Variants in STAB2 observed in about 807,000 individuals in gnomAD.
STAB2 encodes the protein stabilin 2.
A neutral mutation model predicts 338.1 loss-of-function variants in STAB2; 288 were observed. The observed-to-expected ratio is 0.85, with a 90% CI of 0.77 to 0.94. The LOEUF (loss-of-function observed/expected upper bound fraction) is 0.94. Among genes scored for constraint, STAB2 ranks in the 40% least tolerant of loss-of-function variants. The pLI is 0.00. For synonymous variants in STAB2, 1,202 were observed against 1,193.3 expected, an observed-to-expected ratio of 1.01 and a Z score of -0.15; for missense variants, 3,141 against 3,210.1, an observed-to-expected ratio of 0.98 and a Z score of 0.52.
Position 103,744,352 on chromosome 12 carries a change from A to G in STAB2, c.6032-821A>G, listed in dbSNP as rs4981037. On this transcript the variant is annotated intron_variant, in intron 56 of 68. Transcript: ENST00000388887. ...TTTTTTGTAGAGATTGAGTCTCCCT[A>G]TGTTCCCCAGACTGGTCTCAAACTC... Among the ~76,000 whole-genome samples, 143 of 151,064 alleles carry G rather than the reference A, an allele frequency of 9.5e-4. 2 individuals are homozygous for G. The East Asian group carries it at 0.012, about 13-fold the overall frequency.
At chr12:103,640,776 T>C (rs948971452) in intron 9 of STAB2, among the ~76,000 whole-genome samples, 6 of 152,202 alleles carry the variant, frequency 3.9e-5, no homozygotes, top group African/African-American at 1.4e-4. Context: ...AGAAAGAAGA[T>C]GGTATTTGGA....
chr12:103,732,093 G>A (rs1389387928), intron 50 of STAB2, among the ~76,000 whole-genome samples: 2 of 152,186 alleles, frequency 1.3e-5, no homozygotes, highest in African/African-American at 4.8e-5. Context: ...TGGATCACTT[G>A]AGGTCAGGAG....
intron 27 of STAB2, among the ~76,000 whole-genome samples, chr12:103,685,459 TGC>T (rs1555238733): frequency 4.7e-4 from 64 of 135,662 alleles, no homozygotes; most frequent in African/African-American, 1.6e-3. Context: ...TGTGTGCGCG[TGC>T]GTGTGTGTGT....
chr12:103,707,056 T>C, intron 38 of STAB2, 69 bp downstream of exon 38: 1 of 1,553,248 alleles, frequency 6.4e-7, no homozygotes, highest in East Asian at 2.3e-5. Flanking sequence ...AGGGAAAGAG[T>C]GATCCCACAC....
intron 38 of STAB2, among the ~76,000 whole-genome samples, chr12:103,708,019 T>C (rs1879520341): frequency 6.6e-6 from 1 of 152,190 alleles, no homozygotes; most frequent in Non-Finnish European, 1.5e-5. Flanking sequence ...ATCTGTGTAA[T>C]TGAGGAAGCA....
chr12:103,700,515 A>G (rs182623832), intron 34 of STAB2, among the ~76,000 whole-genome samples: 2 of 152,356 alleles, frequency 1.3e-5, no homozygotes, highest in East Asian at 3.9e-4. Flanking sequence ...TCTAACTTCA[A>G]ATATTTTTCT....
At chr12:103,626,587 CG>C (rs1347190601) in intron 5 of STAB2, among the ~76,000 whole-genome samples, 1 of 152,160 alleles carries the variant, frequency 6.6e-6, no homozygotes, top group Non-Finnish European at 1.5e-5. Flanking sequence ...AAGCAAGTCA[CG>C]GATGAATGAA....
rs560447860 is a variant in STAB2, at chr12:103,619,192, G to A, written c.332-1276G>A. ...TCTAGAACTTCCCGTCTTGTGGGAGGCACTTACCTTGCTAACTTAAATGGG... is the reference window on the plus strand; with the variant it reads ...TCTAGAACTTCCCGTCTTGTGGGAGACACTTACCTTGCTAACTTAAATGGG... On this transcript the variant is annotated intron_variant, in intron 3 of 68. Transcript: ENST00000388887. Among the ~76,000 whole-genome samples, 191 of 152,240 alleles carry A rather than the reference G, an allele frequency of 1.3e-3. 1 individual carries two copies. Among genetic ancestry groups the A allele is most frequent in the Non-Finnish European group, 2.4e-3 (162 of 68,016 alleles).
chr12:103,744,729 G>T (rs113007482), intron 56 of STAB2, among the ~76,000 whole-genome samples: 28,371 of 151,790 alleles, frequency 0.19, 3,311 homozygotes, highest in East Asian at 0.3. Context: ...CACCTCAGCC[G>T]CCCAAAGTGC....
rs769292089 is a variant in STAB2, at chr12:103,673,950, C to A, written c.2415C>A (p.Ser805Arg). The A allele has an allele frequency of 1.2e-6, 2 of 1,613,848 alleles. No homozygotes were observed. The highest frequency in any genetic ancestry group is 1.7e-6 in the Non-Finnish European group (2 of 1,179,958). ...VHGTCNNRID[S>R]DGACLTGTCR... ...GAACATGCAATAACAGGATAGACAG[C>A]GATGGGGCCTGCCTCACTGGCACAT... The change falls in exon 23 of 69, where the codon AGC becomes AGA. Residue 805 changes from serine to arginine, a missense_variant. By Grantham distance (110) the Ser-to-Arg change is moderately radical. Coordinates refer to ENST00000388887, the MANE Select transcript of STAB2 (RefSeq NM_017564.10).
intron 30 of STAB2, among the ~76,000 whole-genome samples, chr12:103,691,632 G>A (rs970825871): frequency 1.1e-4 from 17 of 152,068 alleles, no homozygotes; most frequent in Admixed American, 9.8e-4. Flanking sequence ...CACCCATCTG[G>A]GCAGGCATAT....
Position 103,763,301 on chromosome 12 carries a change from T to A in STAB2, c.7489-191T>A, listed in dbSNP as rs1482173950. 4.9e-6 allele frequency: 3 copies of A among 609,008 alleles called. No homozygotes were observed. In the African/African-American group the frequency reaches 5.5e-5, roughly 11 times the overall value. 37.7% of individuals were successfully genotyped at this position (609,008 alleles called of 1,614,324 possible). On this transcript the variant is annotated intron_variant, in intron 67 of 68. Coordinates refer to ENST00000388887, the MANE Select transcript of STAB2 (RefSeq NM_017564.10). The stretch of plus-strand genomic sequence containing the variant: ...GGTGGTGATCACAAATGGGCAGACA[T>A]CGGTAAGATGTCACTGAGCTGAATC...
At chr12:103,739,578 TGCAC>T in intron 54 of STAB2, 110 bp downstream of exon 54, 1 of 748,720 alleles carries the variant, frequency 1.3e-6, no homozygotes, top group Non-Finnish European at 1.9e-6. Flanking sequence ...TGTGTGCCCG[TGCAC>T]GTATGTTGCA....
At position 103,713,438 on chromosome 12, in the gene STAB2, G is replaced by A. The variant is rs61665934; in HGVS notation, c.4412-205G>A. Among the ~76,000 whole-genome samples the A allele has an allele frequency of 8.2e-3, 1,249 of 152,302 alleles. 23 individuals are homozygous for A. Among genetic ancestry groups the A allele is most frequent in the African/African-American group, 0.028 (1,176 of 41,558 alleles). On this transcript the variant is annotated intron_variant, in intron 41 of 68. Coordinates refer to ENST00000388887, the MANE Select transcript of STAB2 (RefSeq NM_017564.10). ...CCCCAGGTGTGTCCTGCAGTAGGAT[G>A]TGTACAGAATGCTAATAAAAGCAGC... is the stretch of plus-strand genomic sequence containing the variant.
chr12:103,739,503 C>T (rs1028362569), intron 54 of STAB2, 35 bp downstream of exon 54: 1 of 1,491,766 alleles, frequency 6.7e-7, no homozygotes, highest in Non-Finnish European at 9.0e-7. Context: ...TTTGGAGAGC[C>T]ATAGGTCTGT....
intron 1 of STAB2, among the ~76,000 whole-genome samples, chr12:103,590,109 C>T (rs1313849415): frequency 6.6e-6 from 1 of 152,134 alleles, no homozygotes; most frequent in Non-Finnish European, 1.5e-5. Context: ...CGGGGAGGAT[C>T]AGCCTCGGCA....
At chr12:103,662,270 C>T (rs1874688753) in intron 17 of STAB2, among the ~76,000 whole-genome samples, 1 of 152,056 alleles carries the variant, frequency 6.6e-6, no homozygotes, top group Admixed American at 6.5e-5. Flanking sequence ...ACAGAGGAAG[C>T]CAGGATAACT....
intron 3 of STAB2, among the ~76,000 whole-genome samples, chr12:103,602,717 C>A (rs529638182): frequency 1.3e-5 from 2 of 151,968 alleles, no homozygotes; most frequent in African/African-American, 4.8e-5. Context: ...TTTTTTCATG[C>A]GCTTATTTGC....
chr12:103,703,424 T>C, intron 35 of STAB2, 148 bp downstream of exon 35: 1 of 1,052,784 alleles, frequency 9.5e-7, no homozygotes, highest in Non-Finnish European at 1.4e-6. Flanking sequence ...CCAAGGAGCA[T>C]ACCAGGCTGT....
Sources: gnomAD v4.1 joint callset for allele counts (sites outside exome capture counted in the v4.1 genomes callset) on GRCh38, gnomAD v4.1.1 for gene constraint, MANE v1.5 for transcripts, NCBI Gene and HGNC (gene_info 2026-07-23, HGNC 2026-07-21) for gene names.